Variants in GPAT4 observed in about 807,000 individuals in gnomAD.
The protein encoded by GPAT4 is glycerol-3-phosphate acyltransferase 4, also known as 1-AGP acyltransferase 6.
GPAT4 carries 17 observed loss-of-function variants against 58.0 expected under a neutral mutation model. The observed-to-expected ratio is 0.29, with a 90% CI of 0.20 to 0.44. The LOEUF (loss-of-function observed/expected upper bound fraction) is 0.44. GPAT4 is among the 20% of genes least tolerant of loss of function. GPAT4 has a pLI of 1.00. For synonymous variants in GPAT4, 204 were observed against 210.1 expected (o/e 0.97, Z 0.25); for missense variants, 377 against 574.5 (o/e 0.66, Z 3.51).
At chr8:41,583,233 TA>T (rs558851282) in intron 1 of GPAT4, among the ~76,000 whole-genome samples, 228 of 145,588 alleles carry the variant, frequency 1.6e-3, no homozygotes, top group African/African-American at 5.6e-3. Flanking sequence ...AAAAAAAAAA[TA>T]ATATATATAT....
At position 41,609,073 on chromosome 8, in the gene GPAT4, G is replaced by A. The variant is rs964157661; in HGVS notation, c.166-343G>A. On this transcript the variant is annotated intron_variant, in intron 2 of 12. Transcript: ENST00000396987. ...TCGCTGTTTTGAGTAGCTGCCGTGC[G>A]GCAGTGCAGGAGGAATCGTGAGGTC... Among the ~76,000 whole-genome samples the A allele has an allele frequency of 5.3e-5, 8 of 152,202 alleles. No individual in the cohort carries two copies. The South Asian group carries it at 6.2e-4, about 12-fold the overall frequency.
chr8:41,612,976 CT>C lies in GPAT4; in HGVS notation c.911+17del. On this transcript the variant is annotated intron_variant, in intron 8 of 12. Coordinates refer to ENST00000396987, the MANE Select transcript of GPAT4 (RefSeq NM_178819.4). ...TGGCTAAGAGGTAATGGACAGAACA[CT>C]GCTGTTCTGCTTGGCCAGTTAGAAT... The C allele has an allele frequency of 6.2e-7, 1 of 1,604,806 alleles. No individual in the cohort carries two copies.
At chr8:41,603,150 C>T (rs879151970) in intron 2 of GPAT4, among the ~76,000 whole-genome samples, 2 of 152,100 alleles carry the variant, frequency 1.3e-5, no homozygotes, top group South Asian at 2.1e-4. Context: ...AGTTTAGAGC[C>T]GGAAGAAAGT....
In GPAT4 at chr8:41,621,138, C is replaced by T. The variant is rs1803738046; in HGVS notation, c.*137C>T. ...GCTGCTCTGGATCCCAGGACTCCGG[C>T]TTTCGCCGAGCCGCAGCGGGATCCC... On this transcript the variant is annotated 3_prime_UTR_variant, in exon 13 of 13. Coordinates refer to ENST00000396987, the MANE Select transcript of GPAT4 (RefSeq NM_178819.4). 8.6e-6 allele frequency: 11 copies of T among 1,282,124 alleles called. No homozygotes were observed. In the South Asian group the frequency reaches 1.5e-4, roughly 18 times the overall value. 79.4% of individuals were successfully genotyped at this position (1,282,124 alleles called of 1,614,324 possible).
chr8:41,619,009 T>C, intron 12 of GPAT4, 32 bp downstream of exon 12: 1 of 1,609,374 alleles, frequency 6.2e-7, no homozygotes, highest in Non-Finnish European at 8.5e-7. Flanking sequence ...TTCAGCTGAG[T>C]TTCTGCAGCA....
rs767851724 is a variant in GPAT4, at chr8:41,618,972, G to T, written c.1257G>T (p.Leu419=). The T allele has an allele frequency of 6.2e-7, 1 of 1,614,236 alleles. No homozygotes were observed. Among genetic ancestry groups the T allele is most frequent in the Non-Finnish European group, 8.5e-7 (1 of 1,180,038 alleles). The change falls in exon 12 of 13, where the codon CTG becomes CTT. Residue 419 remains leucine, a synonymous_variant. Coordinates refer to ENST00000396987, the MANE Select transcript of GPAT4 (RefSeq NM_178819.4). ...CCAGGCAGGGAGGACTTGTGGACCTGCTGTGGTAAGTTTAGAGCCAGGCCT... is the reference window on the plus strand; with the variant it reads ...CCAGGCAGGGAGGACTTGTGGACCTTCTGTGGTAAGTTTAGAGCCAGGCCT... ...AIARQGGLVD[L]LWDGGLKREK...
chr8:41,611,379 G>A (rs540981432), intron 5 of GPAT4, among the ~76,000 whole-genome samples: 3 of 152,316 alleles, frequency 2.0e-5, no homozygotes, highest in Admixed American at 6.5e-5. Context: ...TGTAGAGTCC[G>A]AGACTCAGAT....
At chr8:41,599,439 G>A (rs1803022481) in intron 2 of GPAT4, 135 bp downstream of exon 2, 1 of 1,060,518 alleles carries the variant, frequency 9.4e-7, no homozygotes, top group South Asian at 1.5e-5. Flanking sequence ...GGCTTTTTGA[G>A]TAAGAAGAAT....
chr8:41,606,614 A>G (rs1381162164), intron 2 of GPAT4, among the ~76,000 whole-genome samples: 2 of 152,220 alleles, frequency 1.3e-5, no homozygotes, highest in Non-Finnish European at 2.9e-5. Flanking sequence ...GGAGTTTTAC[A>G]AAGATCTCAA....
chr8:41,607,533 T>C (rs1803314256), intron 2 of GPAT4, among the ~76,000 whole-genome samples: 2 of 149,676 alleles, frequency 1.3e-5, no homozygotes, highest in South Asian at 4.2e-4. Context: ...GAATCAAGTT[T>C]CTCTCTCTTT....
Position 41,589,306 on chromosome 8 carries a change from G to A in GPAT4, c.-848-8986G>A, listed in dbSNP as rs1394299517. 4.0e-5 allele frequency among the ~76,000 whole-genome samples: 5 copies of A among 125,786 alleles called. No individual in the cohort carries two copies. The Admixed American group carries it at 5.2e-4, about 13-fold the overall frequency. The allele number at this position is 125,786 out of a possible 152,430, so 82.5% of individuals were successfully genotyped here. On this transcript the variant is annotated intron_variant, in intron 1 of 12. Transcript: ENST00000396987. Reference sequence around the variant, plus strand: ...AAATAACTTGTTAGGCCAGTTTGGTGTTCTCTGTCCTGGAGGCTGGCATTC... The same window carrying A: ...AAATAACTTGTTAGGCCAGTTTGGTATTCTCTGTCCTGGAGGCTGGCATTC...
chr8:41,602,315 A>G (rs1390213603), intron 2 of GPAT4, among the ~76,000 whole-genome samples: 1 of 152,176 alleles, frequency 6.6e-6, no homozygotes, highest in Non-Finnish European at 1.5e-5. Flanking sequence ...TTGTGACCTC[A>G]ACATTTAGAA....
intron 8 of GPAT4, among the ~76,000 whole-genome samples, chr8:41,613,297 A>G (rs1803495971): frequency 6.6e-6 from 1 of 152,020 alleles, no homozygotes; most frequent in African/African-American, 2.4e-5. Context: ...GAGGCAGGAG[A>G]ATAGTTTGAA....
intron 1 of GPAT4, among the ~76,000 whole-genome samples, chr8:41,590,383 C>T (rs912716988): frequency 6.6e-5 from 10 of 152,230 alleles, no homozygotes; most frequent in Non-Finnish European, 1.3e-4. Flanking sequence ...TGTGCCCGGC[C>T]AGTGCTACTT....
chr8:41,603,382 C>T (rs1293093202), intron 2 of GPAT4, among the ~76,000 whole-genome samples: 2 of 151,946 alleles, frequency 1.3e-5, no homozygotes, highest in African/African-American at 2.4e-5. Context: ...CAAAATTAGC[C>T]GGGCGTAGTG....
At chr8:41,587,759 G>T (rs1179724203) in intron 1 of GPAT4, among the ~76,000 whole-genome samples, 2 of 152,186 alleles carry the variant, frequency 1.3e-5, no homozygotes, top group African/African-American at 4.8e-5. Context: ...CCACTGGTCC[G>T]ATTTATCCTT....
At position 41,588,912 on chromosome 8, in the gene GPAT4, C is replaced by A. The variant is rs144770953; in HGVS notation, c.-848-9380C>A. Among the ~76,000 whole-genome samples, 623 of 152,290 alleles carry A rather than the reference C, an allele frequency of 4.1e-3. 5 individuals are homozygous for A. The highest frequency in any genetic ancestry group is 0.014 in the African/African-American group (602 of 41,568). Reference sequence around the variant, plus strand: ...TGTTTGGCCTGTGGGGGAACGTTGGCCCTGATGATTCTGGGTGAGTTTGGT... The same window carrying A: ...TGTTTGGCCTGTGGGGGAACGTTGGACCTGATGATTCTGGGTGAGTTTGGT... On this transcript the variant is annotated intron_variant, in intron 1 of 12. Coordinates refer to ENST00000396987, the MANE Select transcript of GPAT4 (RefSeq NM_178819.4).
At chr8:41,595,703 CTCTT>C (rs2150489627) in intron 1 of GPAT4, among the ~76,000 whole-genome samples, 1 of 152,122 alleles carries the variant, frequency 6.6e-6, no homozygotes, top group East Asian at 1.9e-4. Flanking sequence ...CTTTCTTTCT[CTCTT>C]TAACTTTCTC....
chr8:41,600,920 C>T (rs1481585358), intron 2 of GPAT4, among the ~76,000 whole-genome samples: 2 of 151,984 alleles, frequency 1.3e-5, no homozygotes, highest in Non-Finnish European at 2.9e-5. Context: ...CATCGTAGCA[C>T]GTGTCACTAC....
Sources: gnomAD v4.1 joint callset for allele counts (sites outside exome capture counted in the v4.1 genomes callset) on GRCh38, gnomAD v4.1.1 for gene constraint, MANE v1.5 for transcripts, NCBI Gene and HGNC (gene_info 2026-07-23, HGNC 2026-07-21) for gene names.